Variants in USP31 observed in about 807,000 individuals in gnomAD.
USP31 encodes the protein ubiquitin carboxyl-terminal hydrolase 31.
Under a neutral mutation model 119.4 loss-of-function variants are expected in USP31, and 44 were observed. That is an observed-to-expected ratio of 0.37 (90% CI 0.29 to 0.47). The LOEUF is 0.47. USP31 is among the 20% of genes least tolerant of loss of function. The pLI, the probability that USP31 is intolerant of heterozygous loss-of-function variation, is 0.99. For synonymous variants in USP31, 749 were observed against 705.6 expected (o/e 1.06, Z -0.97); for missense variants, 1,643 against 1,730.2 (o/e 0.95, Z 0.89).
chr16:23,085,840 AACT>A (rs1476965695), intron 9 of USP31, among the ~76,000 whole-genome samples, 178 bp from the exon 10 acceptor site: 1 of 152,236 alleles, frequency 6.6e-6, no homozygotes, highest in Non-Finnish European at 1.5e-5. Flanking sequence ...CTGATTTAAT[AACT>A]ACATTTCAAC....
At chr16:23,103,240 G>C (rs2141869938) in intron 5 of USP31, among the ~76,000 whole-genome samples, 1 of 152,186 alleles carries the variant, frequency 6.6e-6, no homozygotes, top group East Asian at 1.9e-4. Context: ...CTGACTCTGA[G>C]GCTTTCTCCC....
chr16:23,080,575 C>T lies in USP31; in HGVS notation c.1951-404G>A, dbSNP rs188047864. ...CACAGCGCCTGGTGCAGAAGAGCCT[C>T]TTGATAAGCAGTGCCTGTTCCCCTC... On this transcript the variant is annotated intron_variant, in intron 12 of 15. Coordinates refer to ENST00000219689, the MANE Select transcript of USP31 (RefSeq NM_020718.4). Among the ~76,000 whole-genome samples, 47 of 152,328 alleles carry T rather than the reference C, an allele frequency of 3.1e-4. 1 individual carries two copies. The highest frequency in any genetic ancestry group is 2.7e-3 in the Admixed American group (42 of 15,304).
chr16:23,143,584 T>TGG (rs1903414688), intron 1 of USP31, among the ~76,000 whole-genome samples: 2 of 111,226 alleles, frequency 1.8e-5, no homozygotes, highest in African/African-American at 6.3e-5. Context: ...GAGGGAGAGG[T>TGG]TGGGGGGGGG....
At chr16:23,105,390 A>G in intron 5 of USP31, 51 bp downstream of exon 5, 1 of 1,490,120 alleles carries the variant, frequency 6.7e-7, no homozygotes, top group Non-Finnish European at 9.0e-7. Context: ...AAGAGAACAG[A>G]AAGCAATACT....
Position 23,068,034 on chromosome 16 carries a change from AT to A in USP31, c.*11del, listed in dbSNP as rs775295684. 2.5e-6 allele frequency: 4 copies of A among 1,599,544 alleles called. No individual in the cohort carries two copies. The South Asian group carries it at 4.5e-5, about 18-fold the overall frequency. Reference sequence around the variant, plus strand: ...ACATCTTTACAGATAAAACACTTTGATTGCAGAAATATCACTGAGGTTTTTG... The same window carrying A: ...ACATCTTTACAGATAAAACACTTTGATGCAGAAATATCACTGAGGTTTTTG... On this transcript the variant is annotated 3_prime_UTR_variant, in exon 16 of 16. Transcript: ENST00000219689.
Position 23,061,415 on chromosome 16 carries a change from A to T in USP31, c.*6631T>A, listed in dbSNP as rs1899823206. 6.5e-6 allele frequency: 1 copy of T among 152,754 alleles called. No homozygotes were observed. Among genetic ancestry groups the T allele is most frequent in the Admixed American group, 6.5e-5 (1 of 15,304 alleles). 9.5% of individuals were successfully genotyped at this position (152,754 alleles called of 1,614,324 possible). A position where few individuals can be genotyped will look rare whatever the true frequency, so the allele number is the denominator to read the frequency against. ...AAAGGAGAAATGTGGCTTGAAGAGG[A>T]CATCTTGTAATAAATTTATTGTATT... is the stretch of plus-strand genomic sequence containing the variant. On this transcript the variant is annotated 3_prime_UTR_variant, in exon 16 of 16. Coordinates refer to ENST00000219689, the MANE Select transcript of USP31 (RefSeq NM_020718.4).
At chr16:23,113,777 G>A (rs1902398568) in intron 1 of USP31, among the ~76,000 whole-genome samples, 1 of 152,118 alleles carries the variant, frequency 6.6e-6, no homozygotes, top group Admixed American at 6.5e-5. Context: ...ACAGGCTAAG[G>A]GAAGAGCTAA....
At chr16:23,084,828 G>C (rs748112993) in intron 11 of USP31, 32 bp downstream of exon 11, 3 of 1,612,624 alleles carry the variant, frequency 1.9e-6, no homozygotes, top group Admixed American at 1.7e-5. Context: ...CCACTGCCCT[G>C]AGCAACCAAG....
rs895356887 is a variant in USP31 at position 23,149,091 on chromosome 16, C to G, written c.180G>C (p.Ser60=). ...GAACGCGGCTCATGAAGCTGCCCAC[C>G]GAGCGTGCAGAGGAGGGCGAGGAGG... ...SSPSSPSSAR[S]VGSFMSRVLK... is the part of the protein sequence containing the mutation. Residue 60 remains serine, a synonymous_variant, in exon 1 of 16, where the codon TCG becomes TCC. Transcript: ENST00000219689. 3.1e-6 allele frequency: 4 copies of G among 1,277,902 alleles called. No homozygotes were observed. In the African/African-American group the frequency reaches 4.7e-5, roughly 15 times the overall value. The allele number at this position is 1,277,902 out of a possible 1,614,324, so 79.2% of individuals were successfully genotyped here. A position where few individuals can be genotyped will look rare whatever the true frequency, so the allele number is the denominator to read the frequency against.
rs1354713366 is a variant in USP31, at chr16:23,064,212, A to G, written c.*3834T>C. 1.3e-5 allele frequency: 2 copies of G among 152,610 alleles called. No individual in the cohort carries two copies. The highest frequency in any genetic ancestry group is 2.9e-5 in the Non-Finnish European group (2 of 68,036). The allele number at this position is 152,610 out of a possible 1,614,324, so 9.5% of individuals were successfully genotyped here. A position where few individuals can be genotyped will look rare whatever the true frequency, so the allele number is the denominator to read the frequency against. Reference sequence around the variant, plus strand: ...ACTAGTTAAATCTTTGTATCCAATAATTATAATAACCTACATTGGAAACAA... The same window carrying G: ...ACTAGTTAAATCTTTGTATCCAATAGTTATAATAACCTACATTGGAAACAA... On this transcript the variant is annotated 3_prime_UTR_variant, in exon 16 of 16. Coordinates refer to ENST00000219689, the MANE Select transcript of USP31 (RefSeq NM_020718.4).
chr16:23,106,260 A>G lies in USP31; in HGVS notation c.906T>C (p.Phe302=). Residue 302 remains phenylalanine (F), a synonymous_variant, in exon 4 of 16, where the codon TTT becomes TTC. Coordinates refer to ENST00000219689, the MANE Select transcript of USP31 (RefSeq NM_020718.4). ...CPHCQKQSNT[F]DPFLCISLPI... ...GCAAAGAAATGCAAAGGAAAGGATC[A>G]AAAGTGTTGCTCTGTTTCTGACAAT... is the stretch of plus-strand genomic sequence containing the variant. 1.2e-6 allele frequency: 2 copies of G among 1,614,232 alleles called. No individual in the cohort carries two copies. Among genetic ancestry groups the G allele is most frequent in the South Asian group, 1.1e-5 (1 of 91,078 alleles).
intron 11 of USP31, among the ~76,000 whole-genome samples, chr16:23,083,361 C>T (rs1402865532): frequency 6.6e-6 from 1 of 152,094 alleles, no homozygotes; most frequent in East Asian, 1.9e-4. Context: ...AGACTACAAA[C>T]AGCATGAAGG....
At chr16:23,133,346 T>C (rs1903085798) in intron 1 of USP31, among the ~76,000 whole-genome samples, 3 of 152,204 alleles carry the variant, frequency 2.0e-5, no homozygotes, top group Admixed American at 2.0e-4. Context: ...TGTCTTTGGT[T>C]GTGCCACGTT....
chr16:23,084,925 G>A lies in USP31; in HGVS notation c.1765C>T (p.Arg589Cys), dbSNP rs752477583. The A allele has an allele frequency of 2.0e-5, 32 of 1,613,854 alleles. No individual in the cohort carries two copies. The highest frequency in any genetic ancestry group is 1.3e-4 in the African/African-American group (10 of 74,860). Residue 589 changes from arginine to cysteine, a missense_variant, in exon 11 of 16, where the codon CGT (arginine) becomes TGT (cysteine). Physicochemically the swap from Arg to Cys is radical, Grantham distance 180. Coordinates refer to ENST00000219689, the MANE Select transcript of USP31 (RefSeq NM_020718.4). ...GTGCAGGTTTGAGGCTGATGATGAC[G>A]CTCCCTTTGCAGACGAACACTTTCT... The part of the protein sequence containing the change: ...DAESVRLQRE[R>C]HHQPQTCTLS...
At chr16:23,132,245 A>T (rs540443519) in intron 1 of USP31, among the ~76,000 whole-genome samples, 4 of 152,230 alleles carry the variant, frequency 2.6e-5, no homozygotes, top group Non-Finnish European at 4.4e-5. Flanking sequence ...AGCAAACAAT[A>T]ATATTTTTGA....
At chr16:23,081,680 G>C (rs1900833959) in intron 12 of USP31, among the ~76,000 whole-genome samples, 1 of 152,142 alleles carries the variant, frequency 6.6e-6, no homozygotes, top group African/African-American at 2.4e-5. Flanking sequence ...GCCCCCAAAG[G>C]GTTCCTTGGA....
At chr16:23,106,377 G>A (rs368566284) in intron 3 of USP31, 22 bp downstream of exon 3, 18 of 1,613,392 alleles carry the variant, frequency 1.1e-5, no homozygotes, top group Non-Finnish European at 1.4e-5. Context: ...AAAATAAGTG[G>A]AAACATCCGA....
intron 13 of USP31, among the ~76,000 whole-genome samples, chr16:23,077,062 A>C (rs775789581): frequency 6.6e-6 from 1 of 152,252 alleles, no homozygotes; most frequent in Non-Finnish European, 1.5e-5. Context: ...ATCATCATTG[A>C]AATATGGTTT....
chr16:23,125,487 G>T (rs1406654607), intron 1 of USP31, among the ~76,000 whole-genome samples: 1 of 152,112 alleles, frequency 6.6e-6, no homozygotes, highest in Non-Finnish European at 1.5e-5. Flanking sequence ...CCTCCAGCTG[G>T]ATATAAAATA....
Sources: gnomAD v4.1 joint callset for allele counts (sites outside exome capture counted in the v4.1 genomes callset) on GRCh38, gnomAD v4.1.1 for gene constraint, MANE v1.5 for transcripts, NCBI Gene and HGNC (gene_info 2026-07-23, HGNC 2026-07-21) for gene names.